Variants in LRRC4C observed in about 807,000 individuals in gnomAD.
LRRC4C encodes leucine rich repeat containing 4C, also known as leucine-rich repeat-containing protein 4C.
LRRC4C carries 5 observed loss-of-function variants against 33.6 expected under a neutral mutation model. The ratio of observed to expected loss-of-function variants is 0.15; its 90% CI spans 0.08 to 0.31. LRRC4C has a LOEUF of 0.31. LRRC4C is among the 10% of genes least tolerant of loss of function. LRRC4C has a pLI of 1.00. For missense variants in LRRC4C, 560 were observed against 796.7 expected (o/e 0.70, Z 3.58); for synonymous variants, 329 against 302.0 (o/e 1.09, Z -0.93).
intron 3 of LRRC4C, among the ~76,000 whole-genome samples, chr11:40,532,218 C>T (rs75317916): frequency 0.017 from 2,550 of 151,170 alleles, 38 homozygotes; most frequent in South Asian, 0.033. Flanking sequence ...TTCATCAGTA[C>T]GCTACATTTT....
At chr11:41,342,841 T>G (rs77905840) in intron 1 of LRRC4C, among the ~76,000 whole-genome samples, 3,423 of 152,278 alleles carry the variant, frequency 0.022, 126 homozygotes, top group African/African-American at 0.078. Flanking sequence ...GTTGGTGACT[T>G]AAAATAACAG....
At chr11:40,728,983 G>A (rs1947426357) in intron 2 of LRRC4C, among the ~76,000 whole-genome samples, 1 of 150,246 alleles carries the variant, frequency 6.7e-6, no homozygotes, top group African/African-American at 2.5e-5. Context: ...ACAGATAGAG[G>A]GAGGGTGGGA....
chr11:41,147,499 A>G (rs1026643325), intron 1 of LRRC4C, among the ~76,000 whole-genome samples: 6 of 152,218 alleles, frequency 3.9e-5, no homozygotes, highest in African/African-American at 1.4e-4. Flanking sequence ...TTTCTTCCTT[A>G]GTCTGGGAAA....
rs1248299462 is a variant in LRRC4C, at chr11:40,830,516, A to G, written c.-407+103119T>C. 2.6e-5 allele frequency among the ~76,000 whole-genome samples: 4 copies of G among 152,030 alleles called. No individual in the cohort carries two copies. In the Admixed American group the frequency reaches 2.6e-4, roughly 10 times the overall value. On this transcript the variant is annotated intron_variant, in intron 2 of 6. Transcript: ENST00000528697. ...AGTTCATTTTGAGTGGTAGCCCTCC[A>G]TTTCTGTAGAAATTATATACTGAGT...
chr11:40,457,995 A>G (rs1952213881), intron 3 of LRRC4C, among the ~76,000 whole-genome samples: 1 of 152,146 alleles, frequency 6.6e-6, no homozygotes, highest in Admixed American at 6.6e-5. Context: ...AGATAGATGT[A>G]GTTACATTCT....
chr11:40,701,623 A>G (rs1945867641), intron 2 of LRRC4C, among the ~76,000 whole-genome samples: 1 of 148,922 alleles, frequency 6.7e-6, no homozygotes, highest in Non-Finnish European at 1.5e-5. Flanking sequence ...ATGTATACAT[A>G]TATACATGAA....
At chr11:40,261,476 C>A (rs1400498657) in intron 4 of LRRC4C, among the ~76,000 whole-genome samples, 1 of 152,068 alleles carries the variant, frequency 6.6e-6, no homozygotes, top group African/African-American at 2.4e-5. Context: ...AGTGGAGTAG[C>A]AAATATGTGT....
intron 1 of LRRC4C, among the ~76,000 whole-genome samples, chr11:41,307,512 A>C (rs990977895): frequency 6.6e-6 from 1 of 152,200 alleles, no homozygotes; most frequent in Non-Finnish European, 1.5e-5. Flanking sequence ...CAGCCAATGA[A>C]TGGGCCCTTA....
chr11:40,633,253 C>T (rs1963619068), intron 3 of LRRC4C, among the ~76,000 whole-genome samples: 1 of 152,018 alleles, frequency 6.6e-6, no homozygotes, highest in Admixed American at 6.5e-5. Context: ...CACACACATG[C>T]ACACACAAAT....
chr11:41,202,846 C>T (rs1380837400), intron 1 of LRRC4C, among the ~76,000 whole-genome samples: 1 of 151,446 alleles, frequency 6.6e-6, no homozygotes, highest in African/African-American at 2.4e-5. Flanking sequence ...AGTGCAGTGG[C>T]ATGATCTCAG....
At chr11:40,395,979 C>T (rs891879612) in intron 3 of LRRC4C, among the ~76,000 whole-genome samples, 1 of 151,982 alleles carries the variant, frequency 6.6e-6, no homozygotes, top group African/African-American at 2.4e-5. Context: ...GAGTGAGACT[C>T]TGTCACAAAA....
chr11:41,382,090 C>T (rs1347785541), intron 1 of LRRC4C, among the ~76,000 whole-genome samples: 1 of 151,862 alleles, frequency 6.6e-6, no homozygotes, highest in Admixed American at 6.6e-5. Flanking sequence ...GGCAATGACT[C>T]ACAATTTTTC....
At chr11:41,405,671 T>C (rs1349839973) in intron 1 of LRRC4C, among the ~76,000 whole-genome samples, 1 of 152,138 alleles carries the variant, frequency 6.6e-6, no homozygotes, top group Non-Finnish European at 1.5e-5. Context: ...TTGATATATT[T>C]TAAATCATCA....
At chr11:40,142,994 C>A (rs993467183) in intron 5 of LRRC4C, among the ~76,000 whole-genome samples, 1 of 152,130 alleles carries the variant, frequency 6.6e-6, no homozygotes, top group Non-Finnish European at 1.5e-5. Flanking sequence ...TACTGTGTGC[C>A]AAGCACCATT....
At chr11:40,507,684 T>C (rs956027134) in intron 3 of LRRC4C, among the ~76,000 whole-genome samples, 3 of 152,110 alleles carry the variant, frequency 2.0e-5, no homozygotes, top group Non-Finnish European at 2.9e-5. Flanking sequence ...TATTTTAATA[T>C]TGGCAACTAT....
intron 3 of LRRC4C, among the ~76,000 whole-genome samples, chr11:40,610,970 T>C (rs542000838): frequency 2.0e-4 from 30 of 151,986 alleles, no homozygotes; most frequent in African/African-American, 7.0e-4. Context: ...ACAGATTCAA[T>C]GCAATTATTA....
In LRRC4C at chr11:40,195,241, C is replaced by G. The variant is rs540112344; in HGVS notation, c.-96+46278G>C. On this transcript the variant is annotated intron_variant, in intron 5 of 6. Coordinates refer to ENST00000528697, the MANE Select transcript of LRRC4C (RefSeq NM_001258419.2). ...TTTACATCATACAGTCTAAGGTATACACACTAGAAAAGACTAGAGGAAAAA... is the reference window on the plus strand; with the variant it reads ...TTTACATCATACAGTCTAAGGTATAGACACTAGAAAAGACTAGAGGAAAAA... Among the ~76,000 whole-genome samples the G allele has an allele frequency of 4.6e-5, 7 of 152,086 alleles. No individual in the cohort carries two copies. The South Asian group carries it at 1.5e-3, about 32-fold the overall frequency.
At chr11:41,306,291 C>T (rs917533159) in intron 1 of LRRC4C, among the ~76,000 whole-genome samples, 1 of 152,160 alleles carries the variant, frequency 6.6e-6, no homozygotes, top group East Asian at 1.9e-4. Context: ...TCACAGAAAG[C>T]TAGTAGTATC....
chr11:40,927,070 C>T (rs758587133), intron 2 of LRRC4C, among the ~76,000 whole-genome samples: 2 of 152,068 alleles, frequency 1.3e-5, no homozygotes, highest in Non-Finnish European at 2.9e-5. Flanking sequence ...ATGCAGCAGT[C>T]GCTGATTATT....
Sources: allele counts gnomAD v4.1 joint callset (sites outside exome capture counted in the v4.1 genomes callset), GRCh38; gene constraint gnomAD v4.1.1; transcripts MANE v1.5; gene names NCBI Gene and HGNC (gene_info 2026-07-23, HGNC 2026-07-21).